FOLR2: variants seen among roughly 807,000 people sequenced by gnomAD.
FOLR2 encodes folate receptor beta.
FOLR2 carries 14 observed loss-of-function variants against 20.4 expected under a neutral mutation model. That is an observed-to-expected ratio of 0.68 (90% CI 0.45 to 1.07). FOLR2 has a LOEUF of 1.07. Among genes scored for constraint, FOLR2 ranks in the 50% least tolerant of loss-of-function variants. The pLI, the probability that FOLR2 is intolerant of heterozygous loss-of-function variation, is 0.00. For missense variants in FOLR2, 269 were observed against 322.6 expected (o/e 0.83, Z 1.27); for synonymous variants, 114 against 114.3 (o/e 1.00, Z 0.02).
rs193165102 is a variant in FOLR2, at chr11:72,221,192, G to A, written c.356G>A (p.Arg119His). Reference protein sequence around the residue: ...PWIQQVNQSWRKERFLDVPLC... With the variant: ...PWIQQVNQSWHKERFLDVPLC... ...CCCACCCAGGTGAATCAGAGCTGGC[G>A]CAAAGAACGCTTCCTGGATGTGCCC... The change falls in exon 4 of 5, where the codon CGC becomes CAC. Residue 119 changes from arginine (R) to histidine (H), a missense_variant. By Grantham distance (29) the Arg-to-His change is conservative. Transcript: ENST00000298223. 183 of 1,612,692 alleles carry A rather than the reference G, an allele frequency of 1.1e-4. No individual in the cohort carries two copies. The East Asian group carries it at 2.7e-3, about 24-fold the overall frequency.
At chr11:72,217,549 A>ATGAACAGAGGAGGCGAGGGCT (rs1417752533) in intron 1 of FOLR2, 1 of 452,792 alleles carries the variant, frequency 2.2e-6, no homozygotes, top group Non-Finnish European at 4.1e-6. Context: ...AAGGGCAGCA[A>ATGAACAGAGGAGGCGAGGGCT]TGAACAGAGG....
chr11:72,219,073 A>T (rs1262438952), intron 2 of FOLR2, among the ~76,000 whole-genome samples: 1 of 152,262 alleles, frequency 6.6e-6, no homozygotes, highest in East Asian at 1.9e-4. Flanking sequence ...TGAGGCTCAC[A>T]GAAGCACATG....
chr11:72,217,578 T>TTG (rs1479449967), intron 1 of FOLR2, among the ~76,000 whole-genome samples: 16 of 152,112 alleles, frequency 1.1e-4, no homozygotes, highest in Admixed American at 1.0e-3. Context: ...GCTGCTCCTG[T>TTG]TGTTGAGTGC....
rs748454608 is a variant in FOLR2, at chr11:72,221,065, T to G, written c.339+7T>G. ...GGGGCCCTGGATCCAGCAGGTAGGG[T>G]GTCTCCCCCCCACCCACCCCAGCAG... On this transcript the variant is annotated splice_region_variant and intron_variant, in intron 3 of 4. Transcript: ENST00000298223. 3.4e-5 allele frequency: 54 copies of G among 1,599,140 alleles called. No homozygotes were observed. Among genetic ancestry groups the G allele is most frequent in the Middle Eastern group, 1.7e-4 (1 of 5,988 alleles).
chr11:72,221,201 G>A lies in FOLR2; in HGVS notation c.365G>A (p.Arg122His), dbSNP rs761655995. 3 of 1,613,112 alleles carry A rather than the reference G, an allele frequency of 1.9e-6. No homozygotes were observed. The highest frequency in any genetic ancestry group is 2.2e-5 in the East Asian group (1 of 44,852). The change falls in exon 4 of 5, where the codon CGC becomes CAC. Residue 122 changes from arginine to histidine, a missense_variant. Arg to His is a conservative substitution (Grantham distance 29). Transcript: ENST00000298223. ...QQVNQSWRKE[R>H]FLDVPLCKED... ...GTGAATCAGAGCTGGCGCAAAGAAC[G>A]CTTCCTGGATGTGCCCTTATGCAAA...
Position 72,221,069 on chromosome 11 carries a change from T to TGGGGGCC in FOLR2, c.339+11_339+12insGGGGGCC. ...CCCTGGATCCAGCAGGTAGGGTGTC[T>TGGGGGCC]CCCCCCCACCCACCCCAGCAGACTG... On this transcript the variant is annotated intron_variant, in intron 3 of 4. Coordinates refer to ENST00000298223, the MANE Select transcript of FOLR2 (RefSeq NM_000803.5). 2.8e-6 allele frequency: 2 copies of TGGGGGCC among 717,270 alleles called. No individual in the cohort carries two copies. The highest frequency in any genetic ancestry group is 2.2e-6 in the Non-Finnish European group (1 of 458,058). The allele number at this position is 717,270 out of a possible 1,614,324, so 44.4% of individuals were successfully genotyped here.
At chr11:72,218,487 G>T in intron 1 of FOLR2, 74 bp from the exon 2 acceptor site, 1 of 1,367,836 alleles carries the variant, frequency 7.3e-7, no homozygotes, top group Non-Finnish European at 1.0e-6. Flanking sequence ...TAGGGTTGGG[G>T]AGACTGAGGC....
chr11:72,217,551 G>C (rs1282260902), intron 1 of FOLR2: 9 of 436,118 alleles, frequency 2.1e-5, no homozygotes, highest in Admixed American at 1.1e-4. Context: ...GGGCAGCAAT[G>C]AACAGAGGAG....
At position 72,221,032 on chromosome 11, in the gene FOLR2, C is replaced by T. The variant is rs1387885056; in HGVS notation, c.313C>T (p.Pro105Ser). Reference protein sequence around the residue: ...IQDTCLYECSPNLGPWIQQVN... With the variant: ...IQDTCLYECSSNLGPWIQQVN... ...GGACACCTGTCTCTATGAGTGCTCA[C>T]CCAACCTGGGGCCCTGGATCCAGCA... The change falls in exon 3 of 5, where the codon CCC (proline) becomes TCC (serine). Residue 105 changes from proline (P) to serine (S), a missense_variant. Transcript: ENST00000298223. The T allele has an allele frequency of 1.9e-6, 3 of 1,613,584 alleles. No individual in the cohort carries two copies. The highest frequency in any genetic ancestry group is 3.3e-5 in the Admixed American group (2 of 60,008).
At position 72,221,523 on chromosome 11, in the gene FOLR2, C is replaced by T. The variant is rs1474833012; in HGVS notation, c.529C>T (p.Pro177Ser). ...CTGCCGCACCTTTGAGTCCTACTTC[C>T]CCACTCCAGCTGCCCTTTGTGAAGG... ...ALCRTFESYF[P>S]TPAALCEGLW... The change falls in exon 5 of 5, where the codon CCC (proline) becomes TCC (serine). Residue 177 changes from proline to serine, a missense_variant. Transcript: ENST00000298223. The T allele has an allele frequency of 1.9e-6, 3 of 1,613,842 alleles. No individual in the cohort carries two copies. The highest frequency in any genetic ancestry group is 1.7e-5 in the Admixed American group (1 of 60,010).
rs2135404348 is a variant in FOLR2 at position 72,221,164 on chromosome 11, C to T, written c.340-12C>T. On this transcript the variant is annotated splice_polypyrimidine_tract_variant and intron_variant, in intron 3 of 4. Coordinates refer to ENST00000298223, the MANE Select transcript of FOLR2 (RefSeq NM_000803.5). The stretch of plus-strand genomic sequence containing the variant: ...GGCTGAGAGGAGCCCTGCCTCCCCA[C>T]CTCCCACCCAGGTGAATCAGAGCTG... 6.2e-7 allele frequency: 1 copy of T among 1,610,414 alleles called. No individual in the cohort carries two copies. The highest frequency in any genetic ancestry group is 8.5e-7 in the Non-Finnish European group (1 of 1,178,530).
chr11:72,219,888 C>G (rs969836483), intron 2 of FOLR2, among the ~76,000 whole-genome samples: 1 of 149,720 alleles, frequency 6.7e-6, no homozygotes, highest in Non-Finnish European at 1.5e-5. Context: ...CACTCTGTTG[C>G]CCAGGCTGGA....
intron 1 of FOLR2, among the ~76,000 whole-genome samples, chr11:72,217,682 A>G (rs1329481134): frequency 2.0e-5 from 3 of 152,114 alleles, no homozygotes; most frequent in African/African-American, 7.2e-5. Flanking sequence ...TTTTTAAAAA[A>G]ATTATTTTGA....
At chr11:72,218,990 C>A (rs753408940) in intron 2 of FOLR2, among the ~76,000 whole-genome samples, 1 of 152,104 alleles carries the variant, frequency 6.6e-6, no homozygotes, top group African/African-American at 2.4e-5. Flanking sequence ...GTTTTTTGTA[C>A]AAAATTTCAT....
In FOLR2 at chr11:72,221,049, G is replaced by A. The variant is rs1948478536; in HGVS notation, c.330G>A (p.Trp110Ter). ...AGTGCTCACCCAACCTGGGGCCCTG[G>A]ATCCAGCAGGTAGGGTGTCTCCCCC... ...LYECSPNLGP[W>*]IQQVNQSWRK... The change falls in exon 3 of 5, where the codon TGG becomes TGA. Residue 110 changes from tryptophan (W) to a stop codon, truncating the protein, a stop_gained. Coordinates refer to ENST00000298223, the MANE Select transcript of FOLR2 (RefSeq NM_000803.5). LOFTEE classifies it high-confidence loss of function. 1 of 1,612,616 alleles carries A rather than the reference G, an allele frequency of 6.2e-7. No homozygotes were observed. Among genetic ancestry groups the A allele is most frequent in the Non-Finnish European group, 8.5e-7 (1 of 1,179,572 alleles).
In FOLR2 at chr11:72,221,069, T is replaced by TATCC; in HGVS notation, c.339+11_339+12insATCC. 4 of 717,304 alleles carry TATCC rather than the reference T, an allele frequency of 5.6e-6. No individual in the cohort carries two copies. The highest frequency in any genetic ancestry group is 6.5e-6 in the Non-Finnish European group (3 of 458,084). The allele number at this position is 717,304 out of a possible 1,614,324, so 44.4% of individuals were successfully genotyped here. A position where few individuals can be genotyped will look rare whatever the true frequency, so the allele number is the denominator to read the frequency against. On this transcript the variant is annotated intron_variant, in intron 3 of 4. Coordinates refer to ENST00000298223, the MANE Select transcript of FOLR2 (RefSeq NM_000803.5). ...CCCTGGATCCAGCAGGTAGGGTGTC[T>TATCC]CCCCCCCACCCACCCCAGCAGACTG...
At chr11:72,217,053 C>G in intron 1 of FOLR2, 128 bp downstream of exon 1, 1 of 1,044,786 alleles carries the variant, frequency 9.6e-7, no homozygotes, top group Non-Finnish European at 1.4e-6. Context: ...GAGACAGAGT[C>G]TCGCTCTGTC....
intron 1 of FOLR2, chr11:72,217,475 C>T: frequency 1.0e-6 from 1 of 974,828 alleles, no homozygotes; most frequent in Non-Finnish European, 1.4e-6. Flanking sequence ...GAAGCAGTAT[C>T]CATTATCCAC....
At chr11:72,218,523 G>A (rs1172391776) in intron 1 of FOLR2, 38 bp from the exon 2 acceptor site, 4 of 1,576,012 alleles carry the variant, frequency 2.5e-6, no homozygotes, top group Non-Finnish European at 3.5e-6. Flanking sequence ...TCCCAGCTTG[G>A]AGCCCTTTCC....
Sources: gnomAD v4.1 joint callset for allele counts (sites outside exome capture counted in the v4.1 genomes callset) on GRCh38, gnomAD v4.1.1 for gene constraint, MANE v1.5 for transcripts, NCBI Gene and HGNC (gene_info 2026-07-23, HGNC 2026-07-21) for gene names.